The following MALRD1 variants were observed in gnomAD, a reference collection of about 807,000 sequenced individuals.
MALRD1 encodes the protein MAM and LDL receptor class A domain containing 1, also known as MAM and LDL-receptor class A domain-containing protein 1.
Under a neutral mutation model 242.1 loss-of-function variants are expected in MALRD1, and 247 were observed. That is an observed-to-expected ratio of 1.02 (90% CI 0.92 to 1.13). MALRD1 has a LOEUF of 1.13. Among genes scored for constraint, MALRD1 ranks in the 50% most tolerant of loss-of-function variants. The pLI, the probability that MALRD1 is intolerant of heterozygous loss-of-function variation, is 0.00. For missense variants in MALRD1, 2,989 were observed against 2,533.1 expected, an observed-to-expected ratio of 1.18 and a Z score of -3.86; for synonymous variants, 995 against 866.6, an observed-to-expected ratio of 1.15 and a Z score of -2.60.
At chr10:19,461,709 T>G (rs969781003) in intron 29 of MALRD1, among the ~76,000 whole-genome samples, 6 of 151,938 alleles carry the variant, frequency 3.9e-5, no homozygotes, top group African/African-American at 1.5e-4. Flanking sequence ...GCTGGTGTGG[T>G]GGTGTACACC....
intron 14 of MALRD1, among the ~76,000 whole-genome samples, chr10:19,183,642 T>G (rs1228162407): frequency 6.6e-6 from 1 of 152,216 alleles, no homozygotes; most frequent in African/African-American, 2.4e-5. Flanking sequence ...TTATTAAGTT[T>G]GCTAAAAATT....
intron 31 of MALRD1, among the ~76,000 whole-genome samples, chr10:19,507,082 A>G (rs1833175944): frequency 6.6e-6 from 1 of 152,002 alleles, no homozygotes; most frequent in Non-Finnish European, 1.5e-5. Flanking sequence ...TGGCAGGGAG[A>G]GGAGGTGCCA....
At position 19,104,020 on chromosome 10, in the gene MALRD1, T is replaced by C; in HGVS notation, c.639T>C (p.Asp213=). Reference sequence around the variant, plus strand: ...AAATGGCTTCAACGTATGAACAGGATGAAGTCATTGCTATTGATGATATAT... The same window carrying C: ...AAATGGCTTCAACGTATGAACAGGACGAAGTCATTGCTATTGATGATATAT... The part of the protein sequence containing the change: ...EGQMASTYEQ[D]EVIAIDDISF... The change falls in exon 5 of 40, where the codon GAT becomes GAC. Residue 213 remains aspartate (D), a synonymous_variant. Coordinates refer to ENST00000454679, the MANE Select transcript of MALRD1 (RefSeq NM_001142308.3). 1 of 1,233,902 alleles carries C rather than the reference T, an allele frequency of 8.1e-7. No homozygotes were observed. The highest frequency in any genetic ancestry group is 4.1e-5 in the South Asian group (1 of 24,414). The allele number at this position is 1,233,902 out of a possible 1,614,324, so 76.4% of individuals were successfully genotyped here.
intron 18 of MALRD1, among the ~76,000 whole-genome samples, chr10:19,256,872 A>G (rs375379213): frequency 6.6e-6 from 1 of 152,146 alleles, no homozygotes; most frequent in South Asian, 2.1e-4. Context: ...TAATGGGAAA[A>G]CATAATGTAT....
At chr10:19,215,037 C>T (rs1420594971) in intron 18 of MALRD1, among the ~76,000 whole-genome samples, 1 of 152,196 alleles carries the variant, frequency 6.6e-6, no homozygotes, top group Non-Finnish European at 1.5e-5. Flanking sequence ...AAAACTGTTG[C>T]CATGACCTTT....
intron 28 of MALRD1, among the ~76,000 whole-genome samples, chr10:19,415,551 A>C (rs1055494948): frequency 6.6e-6 from 1 of 152,186 alleles, no homozygotes; most frequent in African/African-American, 2.4e-5. Flanking sequence ...CTGCATGTAG[A>C]TCAAGCAGGA....
chr10:19,389,642 G>T (rs772991069), intron 28 of MALRD1, 33 bp downstream of exon 28: 180 of 1,534,014 alleles, frequency 1.2e-4, no homozygotes, highest in Non-Finnish European at 1.6e-4. Context: ...CTCTGAGCTT[G>T]TTTTGTTCTG....
chr10:19,501,739 A>G (rs1019837836), intron 31 of MALRD1, among the ~76,000 whole-genome samples: 3 of 152,144 alleles, frequency 2.0e-5, no homozygotes, highest in Non-Finnish European at 2.9e-5. Context: ...ACTCAGTAGA[A>G]AAAGAAACAA....
chr10:19,139,231 A>G (rs1469992747), intron 10 of MALRD1, among the ~76,000 whole-genome samples: 2 of 152,220 alleles, frequency 1.3e-5, no homozygotes, highest in African/African-American at 4.8e-5. Flanking sequence ...GCACTAAAGT[A>G]TTTAATATAT....
At chr10:19,386,091 C>T (rs762323935) in intron 26 of MALRD1, among the ~76,000 whole-genome samples, 30 of 152,102 alleles carry the variant, frequency 2.0e-4, no homozygotes, top group Admixed American at 3.9e-4. Flanking sequence ...CTTCATAATA[C>T]GTTTCCTCTC....
chr10:19,124,053 A>C (rs1222788699), intron 6 of MALRD1, among the ~76,000 whole-genome samples: 1 of 151,320 alleles, frequency 6.6e-6, no homozygotes, highest in African/African-American at 2.4e-5. Flanking sequence ...CAAAAAAAAA[A>C]AAAAAAAAAA....
intron 28 of MALRD1, among the ~76,000 whole-genome samples, chr10:19,436,265 A>C (rs1834347736): frequency 6.6e-6 from 1 of 152,154 alleles, no homozygotes; most frequent in African/African-American, 2.4e-5. Context: ...AAGAGACCTG[A>C]GTCTATGTAG....
At chr10:19,485,753 C>G (rs961692018) in intron 29 of MALRD1, among the ~76,000 whole-genome samples, 7 of 151,872 alleles carry the variant, frequency 4.6e-5, no homozygotes, top group Admixed American at 1.3e-4. Flanking sequence ...ACAAATCCAT[C>G]GATACATTTT....
At chr10:19,492,096 A>T (rs1024276528) in intron 30 of MALRD1, among the ~76,000 whole-genome samples, 1 of 152,100 alleles carries the variant, frequency 6.6e-6, no homozygotes, top group Non-Finnish European at 1.5e-5. Flanking sequence ...TATCAATTAC[A>T]TTGCACTGGA....
intron 28 of MALRD1, among the ~76,000 whole-genome samples, chr10:19,398,949 A>G (rs1460617767): frequency 6.6e-6 from 1 of 152,240 alleles, no homozygotes; most frequent in African/African-American, 2.4e-5. Flanking sequence ...GCCTGCAGCC[A>G]GGTAGAGTCA....
chr10:19,446,356 T>C (rs1179534895), intron 28 of MALRD1, among the ~76,000 whole-genome samples: 7 of 152,188 alleles, frequency 4.6e-5, no homozygotes, highest in Admixed American at 4.6e-4. Flanking sequence ...TACATTCTTG[T>C]ATTTATTTAC....
At chr10:19,357,051 A>C (rs1273258803) in intron 26 of MALRD1, among the ~76,000 whole-genome samples, 1 of 151,734 alleles carries the variant, frequency 6.6e-6, no homozygotes, top group Non-Finnish European at 1.5e-5. Context: ...CGGAGGTTGC[A>C]GTGAGCTGAG....
chr10:19,602,262 T>C (rs1055947142), intron 34 of MALRD1, among the ~76,000 whole-genome samples: 4 of 148,358 alleles, frequency 2.7e-5, no homozygotes, highest in Non-Finnish European at 5.9e-5. Context: ...TTGTTACATA[T>C]GTATACATGC....
intron 18 of MALRD1, among the ~76,000 whole-genome samples, chr10:19,237,616 ATAATTATATAATTATAATTATATAT>A (rs1241999694): frequency 0.22 from 20,578 of 94,166 alleles, 2,090 homozygotes; most frequent in Admixed American, 0.39. Flanking sequence ...TTATAATTAT[ATAATTATATAATTATAATTATATAT>A]AAATTATTAT....
Sources: allele counts gnomAD v4.1 joint callset (sites outside exome capture counted in the v4.1 genomes callset), GRCh38; gene constraint gnomAD v4.1.1; transcripts MANE v1.5; gene names NCBI Gene and HGNC (gene_info 2026-07-23, HGNC 2026-07-21).